EPB41L4A: variants seen among roughly 807,000 people sequenced by gnomAD.
The protein encoded by EPB41L4A is band 4.1-like protein 4A.
A neutral mutation model predicts 108.6 loss-of-function variants in EPB41L4A; 100 were observed. That is an observed-to-expected ratio of 0.92 (90% CI 0.78 to 1.09). EPB41L4A has a LOEUF of 1.09. EPB41L4A is among the 50% of genes least tolerant of loss of function. The pLI, the probability that EPB41L4A is intolerant of heterozygous loss-of-function variation, is 0.00. For missense variants in EPB41L4A, 1,030 were observed against 842.7 expected (o/e 1.22, Z -2.75); for synonymous variants, 319 against 289.0 (o/e 1.10, Z -1.05).
intron 12 of EPB41L4A, among the ~76,000 whole-genome samples, chr5:112,147,185 G>C (rs1397068995): frequency 6.6e-6 from 1 of 152,126 alleles, no homozygotes; most frequent in Non-Finnish European, 1.5e-5. Flanking sequence ...TCATTTAGCA[G>C]TCTATTCAGT....
chr5:112,209,685 A>T (rs926806960), intron 13 of EPB41L4A, among the ~76,000 whole-genome samples: 15 of 152,246 alleles, frequency 9.9e-5, no homozygotes, highest in African/African-American at 3.4e-4. Flanking sequence ...CAAAAAGAGC[A>T]CTTTCTTCAA....
intron 12 of EPB41L4A, among the ~76,000 whole-genome samples, chr5:112,146,472 C>T (rs922430): frequency 0.013 from 1,947 of 152,312 alleles, 16 homozygotes; most frequent in African/African-American, 0.021. Context: ...TTGCGCTCCC[C>T]AAAGACTCTT....
At chr5:112,294,813 CAAGGGCCACGTATCTTA>C (rs1561547023) in intron 2 of EPB41L4A, among the ~76,000 whole-genome samples, 1 of 151,990 alleles carries the variant, frequency 6.6e-6, no homozygotes, top group East Asian at 1.9e-4. Flanking sequence ...TCAAGATAAC[CAAGGGCCACGTATCTTA>C]AAGGACTTTG....
At chr5:112,257,644 C>T (rs186247788) in intron 9 of EPB41L4A, among the ~76,000 whole-genome samples, 1 of 152,236 alleles carries the variant, frequency 6.6e-6, no homozygotes, top group African/African-American at 2.4e-5. Context: ...TATTTTAAGG[C>T]ACTGTAATAA....
At chr5:112,264,603 T>A (rs1751721069) in intron 6 of EPB41L4A, 1 of 213,158 alleles carries the variant, frequency 4.7e-6, no homozygotes, top group Non-Finnish European at 9.2e-6. Flanking sequence ...TACATGAACC[T>A]ATGTATGACA....
At chr5:112,418,046 G>C (rs1580871885) in intron 1 of EPB41L4A, among the ~76,000 whole-genome samples, 1 of 150,258 alleles carries the variant, frequency 6.7e-6, no homozygotes, top group East Asian at 1.9e-4. Context: ...ATCAGAGCGG[G>C]GGCGGGGGGG....
At chr5:112,246,421 C>T (rs748122434) in intron 9 of EPB41L4A, among the ~76,000 whole-genome samples, 3 of 152,112 alleles carry the variant, frequency 2.0e-5, no homozygotes, top group Non-Finnish European at 4.4e-5. Context: ...ATAGGCTATA[C>T]TGTATAGCCT....
chr5:112,197,657 A>G (rs978702154), intron 15 of EPB41L4A, among the ~76,000 whole-genome samples: 1 of 152,180 alleles, frequency 6.6e-6, no homozygotes, highest in East Asian at 1.9e-4. Context: ...ATGGATGGAT[A>G]CTCAGGTAAT....
At chr5:112,267,894 G>A (rs191927893) in intron 4 of EPB41L4A, among the ~76,000 whole-genome samples, 2 of 152,212 alleles carry the variant, frequency 1.3e-5, no homozygotes, top group East Asian at 3.9e-4. Context: ...CTTACTTCTT[G>A]GGTCACTTCT....
chr5:112,176,643 G>C (rs1026393443), intron 18 of EPB41L4A, among the ~76,000 whole-genome samples: 2 of 151,290 alleles, frequency 1.3e-5, no homozygotes, highest in Non-Finnish European at 2.9e-5. Flanking sequence ...CATCTTTTCT[G>C]AGCTAAAAGC....
intron 12 of EPB41L4A, among the ~76,000 whole-genome samples, chr5:112,225,193 C>T (rs62370377): frequency 0.075 from 11,380 of 152,246 alleles, 490 homozygotes; most frequent in African/African-American, 0.097. Flanking sequence ...AAACACAAAG[C>T]GTCCTCTACT....
chr5:112,312,305 A>C (rs1480186567), intron 1 of EPB41L4A, among the ~76,000 whole-genome samples: 1 of 152,208 alleles, frequency 6.6e-6, no homozygotes, highest in African/African-American at 2.4e-5. Flanking sequence ...AGAACATGCC[A>C]ATCTTTTGTG....
At chr5:112,345,475 A>G (rs2150712626) in intron 1 of EPB41L4A, among the ~76,000 whole-genome samples, 1 of 152,294 alleles carries the variant, frequency 6.6e-6, no homozygotes, top group South Asian at 2.1e-4. Context: ...CTTTAAAAAA[A>G]AAGATACATT....
At chr5:112,184,988 G>A (rs1462327721) in intron 17 of EPB41L4A, among the ~76,000 whole-genome samples, 1 of 152,056 alleles carries the variant, frequency 6.6e-6, no homozygotes, top group African/African-American at 2.4e-5. Context: ...GACTTCCGAG[G>A]TATCAAGTCT....
intron 1 of EPB41L4A, among the ~76,000 whole-genome samples, chr5:112,418,073 G>C (rs1050065111): frequency 6.6e-6 from 1 of 152,130 alleles, no homozygotes; most frequent in African/African-American, 2.4e-5. Context: ...CCCTTCACCA[G>C]ACTCAGCTGT....
chr5:112,160,469 G>C (rs1337391249), downstream of EPB41L4A: 1 of 152,272 alleles, frequency 6.6e-6, no homozygotes, highest in Non-Finnish European at 1.5e-5. Context: ...AGTAAGTGCT[G>C]ACTAAATATC....
intron 12 of EPB41L4A, among the ~76,000 whole-genome samples, chr5:112,151,833 C>A (rs1458608795): frequency 6.6e-6 from 1 of 152,048 alleles, no homozygotes; most frequent in Non-Finnish European, 1.5e-5. Flanking sequence ...CGGATTCAAG[C>A]TATTCTCCCG....
chr5:112,375,469 A>C (rs1759761637), intron 1 of EPB41L4A, among the ~76,000 whole-genome samples: 1 of 152,192 alleles, frequency 6.6e-6, no homozygotes, highest in South Asian at 2.1e-4. Flanking sequence ...AATCACACCA[A>C]GAACCAGGAA....
intron 12 of EPB41L4A, 86 bp downstream of exon 12, chr5:112,234,548 T>TA: frequency 7.7e-7 from 1 of 1,292,214 alleles, no homozygotes; most frequent in South Asian, 1.7e-5. Context: ...GACTGTAGAG[T>TA]TATAGACATC....
Sources: allele counts gnomAD v4.1 joint callset (sites outside exome capture counted in the v4.1 genomes callset), GRCh38; gene constraint gnomAD v4.1.1; transcripts MANE v1.5; gene names NCBI Gene and HGNC (gene_info 2026-07-23, HGNC 2026-07-21).